DLG2: variants seen among roughly 807,000 people sequenced by gnomAD.
The protein encoded by DLG2 is discs large MAGUK scaffold protein 2, also known as disks large homolog 2.
A neutral mutation model predicts 132.5 loss-of-function variants in DLG2; 45 were observed. The observed-to-expected ratio is 0.34, with a 90% confidence interval of 0.27 to 0.44. DLG2 has a LOEUF of 0.44. Among genes scored for constraint, DLG2 ranks in the 20% least tolerant of loss-of-function variants. The pLI is 1.00. For missense variants in DLG2, 1,045 were observed against 1,196.9 expected, an observed-to-expected ratio of 0.87 and a Z score of 1.87; for synonymous variants, 424 against 419.6, an observed-to-expected ratio of 1.01 and a Z score of -0.13.
chr11:83,611,223 CAATT>C lies in DLG2; in HGVS notation c.1940+21984_1940+21987del, dbSNP rs199569899. Among the ~76,000 whole-genome samples, 1,241 of 151,974 alleles carry C rather than the reference CAATT, an allele frequency of 8.2e-3. 24 individuals are homozygous for C. The highest frequency in any genetic ancestry group is 0.028 in the African/African-American group (1,170 of 41,424). On this transcript the variant is annotated intron_variant, in intron 19 of 27. Transcript: ENST00000376104. Reference sequence around the variant, plus strand: ...AATTATGTGTATTAACATGGGAAAACAATTGCATAGCCCTTTTGAACGTAAAAGG... The same window carrying C: ...AATTATGTGTATTAACATGGGAAAACGCATAGCCCTTTTGAACGTAAAAGG...
chr11:85,154,371 T>G (rs1440045270), intron 5 of DLG2, among the ~76,000 whole-genome samples, 185 bp downstream of exon 5: 1 of 152,126 alleles, frequency 6.6e-6, no homozygotes, highest in African/African-American at 2.4e-5. Flanking sequence ...ACACAACTAC[T>G]CAACGTGATA....
At chr11:85,542,337 C>T (rs1354529143) in intron 3 of DLG2, among the ~76,000 whole-genome samples, 2 of 151,926 alleles carry the variant, frequency 1.3e-5, no homozygotes, top group African/African-American at 4.8e-5. Flanking sequence ...CACGGACCAA[C>T]AAAAAATGTG....
At chr11:85,241,981 C>T (rs2075902766) in intron 4 of DLG2, among the ~76,000 whole-genome samples, 1 of 151,914 alleles carries the variant, frequency 6.6e-6, no homozygotes, top group Non-Finnish European at 1.5e-5. Flanking sequence ...TCAAACACAT[C>T]CTGAAAAGAG....
intron 7 of DLG2, among the ~76,000 whole-genome samples, chr11:84,484,114 G>A (rs1204220776): frequency 6.6e-6 from 1 of 152,162 alleles, no homozygotes; most frequent in Non-Finnish European, 1.5e-5. Context: ...CCTCTCTACT[G>A]TGGGGTACAA....
intron 6 of DLG2, among the ~76,000 whole-genome samples, chr11:84,590,268 C>A (rs1313552251): frequency 6.6e-6 from 1 of 152,180 alleles, no homozygotes. Flanking sequence ...AAACTTGCCA[C>A]AATTATTGCT....
chr11:85,481,842 T>C (rs182799668), intron 3 of DLG2, among the ~76,000 whole-genome samples: 136 of 151,542 alleles, frequency 9.0e-4, no homozygotes, highest in African/African-American at 3.2e-3. Context: ...GACTCCAGGC[T>C]TGTCCAGTGC....
At chr11:85,112,189 C>T (rs2072880513) in intron 5 of DLG2, among the ~76,000 whole-genome samples, 1 of 152,102 alleles carries the variant, frequency 6.6e-6, no homozygotes, top group South Asian at 2.1e-4. Context: ...TTTCATAGAA[C>T]TCCAGAATGT....
intron 3 of DLG2, among the ~76,000 whole-genome samples, chr11:85,537,786 T>G (rs1213233407): frequency 2.0e-5 from 3 of 151,876 alleles, no homozygotes; most frequent in Admixed American, 2.0e-4. Flanking sequence ...CATCTGAACA[T>G]CTGAAGGAAC....
At chr11:84,056,837 A>T (rs1007721926) in intron 11 of DLG2, among the ~76,000 whole-genome samples, 1 of 152,122 alleles carries the variant, frequency 6.6e-6, no homozygotes, top group Non-Finnish European at 1.5e-5. Context: ...TCCATCAGTG[A>T]CCTCTGGACA....
chr11:84,396,292 T>C (rs543378210), intron 7 of DLG2, among the ~76,000 whole-genome samples: 1 of 152,324 alleles, frequency 6.6e-6, no homozygotes, highest in East Asian at 1.9e-4. Flanking sequence ...ACGGGCTACA[T>C]AGTTTTATAG....
In DLG2 at chr11:84,108,163, CAT is replaced by C. The variant is rs141168847; in HGVS notation, c.625-9118_625-9117del. Among the ~76,000 whole-genome samples the C allele has an allele frequency of 1.0e-3, 154 of 152,116 alleles. 1 individual carries two copies. Among genetic ancestry groups the C allele is most frequent in the Admixed American group, 3.1e-3 (47 of 15,262 alleles). On this transcript the variant is annotated intron_variant, in intron 9 of 27. Coordinates refer to ENST00000376104, the MANE Select transcript of DLG2 (RefSeq NM_001142699.3). ...AGATGGAGATACGATAAGGTGAAAACATAGATTTATGGGGAGCAGGGGAAGGA... is the reference window on the plus strand; with the variant it reads ...AGATGGAGATACGATAAGGTGAAAACAGATTTATGGGGAGCAGGGGAAGGA...
rs527759950 is a variant in DLG2 at position 84,729,348 on chromosome 11, T to C, written c.358-194617A>G. ...GCCTTCGTTATTTACCCAGTAGTCA[T>C]TAAGGAGCAGGTTTTCAGTTTCCAT... On this transcript the variant is annotated intron_variant, in intron 6 of 27. Coordinates refer to ENST00000376104, the MANE Select transcript of DLG2 (RefSeq NM_001142699.3). Among the ~76,000 whole-genome samples the C allele has an allele frequency of 5.9e-5, 9 of 152,254 alleles. No individual in the cohort carries two copies. The South Asian group carries it at 1.2e-3, about 21-fold the overall frequency.
chr11:85,010,511 CCT>C (rs2059061415), intron 6 of DLG2, among the ~76,000 whole-genome samples: 1 of 152,106 alleles, frequency 6.6e-6, no homozygotes, highest in Non-Finnish European at 1.5e-5. Flanking sequence ...CTTGGATTGT[CCT>C]CTCTATAAAA....
intron 4 of DLG2, among the ~76,000 whole-genome samples, chr11:85,214,784 T>C (rs2082471779): frequency 6.6e-6 from 1 of 152,194 alleles, no homozygotes; most frequent in Non-Finnish European, 1.5e-5. Context: ...TTTTTTTATA[T>C]ACATACAAGA....
chr11:85,506,538 T>C (rs1455705525), intron 3 of DLG2, among the ~76,000 whole-genome samples: 1 of 149,752 alleles, frequency 6.7e-6, no homozygotes, highest in African/African-American at 2.4e-5. Context: ...TGAGTAAGTT[T>C]CTTAATCCTG....
intron 21 of DLG2, among the ~76,000 whole-genome samples, chr11:83,523,085 G>A (rs1565629912): frequency 6.6e-6 from 1 of 152,130 alleles, no homozygotes; most frequent in Non-Finnish European, 1.5e-5. Context: ...TGATGTTTTA[G>A]CTTTGAGATA....
chr11:83,675,723 G>A (rs1482793218), intron 18 of DLG2, among the ~76,000 whole-genome samples: 1 of 152,178 alleles, frequency 6.6e-6, no homozygotes, highest in African/African-American at 2.4e-5. Flanking sequence ...CATGGCTTCT[G>A]GCTGTCTGGT....
At chr11:85,519,461 C>T (rs745506059) in intron 3 of DLG2, among the ~76,000 whole-genome samples, 2 of 152,130 alleles carry the variant, frequency 1.3e-5, no homozygotes, top group Non-Finnish European at 2.9e-5. Context: ...TTTGTTTTGG[C>T]CAATGTCTCC....
In DLG2 at chr11:84,401,699, CAGAT is replaced by C. The variant is rs766270331; in HGVS notation, c.519+132867_519+132870del. On this transcript the variant is annotated intron_variant, in intron 7 of 27. Coordinates refer to ENST00000376104, the MANE Select transcript of DLG2 (RefSeq NM_001142699.3). ...AAATAACTTTACTACACTCTAGCTA[CAGAT>C]ACACTTTTGAAGAGAACTGAGTCAT... Among the ~76,000 whole-genome samples, 7 of 152,306 alleles carry C rather than the reference CAGAT, an allele frequency of 4.6e-5. No homozygotes were observed. In the South Asian group the frequency reaches 1.5e-3, roughly 32 times the overall value.
Sources: allele counts gnomAD v4.1 joint callset (sites outside exome capture counted in the v4.1 genomes callset), GRCh38; gene constraint gnomAD v4.1.1; transcripts MANE v1.5; gene names NCBI Gene and HGNC (gene_info 2026-07-23, HGNC 2026-07-21).